MGRN1: variants seen among roughly 807,000 people sequenced by gnomAD.
MGRN1 encodes the protein E3 ubiquitin-protein ligase MGRN1.
Under a neutral mutation model 69.2 loss-of-function variants are expected in MGRN1, and 29 were observed. The observed-to-expected ratio is 0.42, with a 90% CI of 0.31 to 0.57. The LOEUF (loss-of-function observed/expected upper bound fraction) is 0.57. Among genes scored for constraint, MGRN1 ranks in the 20% least tolerant of loss-of-function variants. MGRN1 has a pLI of 0.15. For missense variants in MGRN1, 998 were observed against 796.2 expected (o/e 1.25, Z -3.05); for synonymous variants, 470 against 344.2 (o/e 1.37, Z -4.04).
In MGRN1 at chr16:4,683,944, G is replaced by A. The variant is rs1245204925; in HGVS notation, c.1618+12G>A. ...CATCTACCTGCCAGGTAAGGGGCTG[G>A]GGGTCTGGGGGTGAGGGGCTGGGTG... On this transcript the variant is annotated intron_variant, in intron 16 of 16. Transcript: ENST00000262370. 2 of 1,559,462 alleles carry A rather than the reference G, an allele frequency of 1.3e-6. No homozygotes were observed. The highest frequency in any genetic ancestry group is 1.7e-6 in the Non-Finnish European group (2 of 1,150,800).
chr16:4,687,312 G>T, intron 16 of MGRN1: 3 of 981,074 alleles, frequency 3.1e-6, no homozygotes, highest in Non-Finnish European at 2.4e-6. Flanking sequence ...TACTTTGGGA[G>T]ACCGAGGGGA....
At chr16:4,648,649 G>A (rs1451941625) in intron 1 of MGRN1, among the ~76,000 whole-genome samples, 2 of 95,274 alleles carry the variant, frequency 2.1e-5, no homozygotes, top group Admixed American at 1.1e-4. Flanking sequence ...GTGGTCACCC[G>A]GCTCCTCCTC....
chr16:4,680,996 T>C (rs1234030446), intron 12 of MGRN1, among the ~76,000 whole-genome samples: 1 of 152,244 alleles, frequency 6.6e-6, no homozygotes. Context: ...CTGGGCATTT[T>C]CCTTCTTCCT....
At chr16:4,656,882 AAAAT>A (rs57256799) in intron 4 of MGRN1, among the ~76,000 whole-genome samples, 34,246 of 146,482 alleles carry the variant, frequency 0.23, 4,256 homozygotes, top group Middle Eastern at 0.32. Flanking sequence ...TCTTATCTCA[AAAAT>A]AAATAAATAA....
rs77240528 is a variant in MGRN1 at position 4,627,050 on chromosome 16, C to T, written c.88+2002C>T. 2.6e-3 allele frequency among the ~76,000 whole-genome samples: 401 copies of T among 152,286 alleles called. 10 individuals are homozygous for T. In the East Asian group the frequency reaches 0.07, roughly 26 times the overall value. On this transcript the variant is annotated intron_variant, in intron 1 of 16. Coordinates refer to ENST00000262370, the MANE Select transcript of MGRN1 (RefSeq NM_015246.4). ...TGCCGCACTGGTTTCCTAGACTCCC[C>T]GCCTCTCCTGTCTCCTTAATGAGAA...
At chr16:4,688,140 C>T in intron 16 of MGRN1, 1 of 985,552 alleles carries the variant, frequency 1.0e-6, no homozygotes, top group Non-Finnish European at 1.2e-6. Flanking sequence ...TGCTGGGAGC[C>T]ATGTGTCAGG....
chr16:4,642,446 C>T (rs2078179919), intron 1 of MGRN1, among the ~76,000 whole-genome samples: 2 of 149,896 alleles, frequency 1.3e-5, no homozygotes, highest in Non-Finnish European at 2.9e-5. Context: ...TACAGGCATG[C>T]ACCACCACGG....
intron 11 of MGRN1, among the ~76,000 whole-genome samples, chr16:4,678,565 A>G (rs2079106537): frequency 6.6e-6 from 1 of 151,998 alleles, no homozygotes; most frequent in South Asian, 2.1e-4. Context: ...AGACAGGGTG[A>G]GAGAGATGTG....
rs994556151 is a variant in MGRN1, at chr16:4,679,908, C to T, written c.1066-124C>T. ...TTAGGACAGTCCCGAGATTCACGTC[C>T]CCCGGAAGCTTGTGAAGTTCTGCGC... is the stretch of plus-strand genomic sequence containing the variant. On this transcript the variant is annotated intron_variant, in intron 11 of 16. Transcript: ENST00000262370. 28 of 910,332 alleles carry T rather than the reference C, an allele frequency of 3.1e-5. No individual in the cohort carries two copies. The African/African-American group carries it at 4.2e-4, about 14-fold the overall frequency. The allele number at this position is 910,332 out of a possible 1,614,324, so 56.4% of individuals were successfully genotyped here. A position where few individuals can be genotyped will look rare whatever the true frequency, so the allele number is the denominator to read the frequency against.
chr16:4,678,916 G>T (rs1448017561), intron 11 of MGRN1, among the ~76,000 whole-genome samples: 2 of 152,248 alleles, frequency 1.3e-5, no homozygotes, highest in Non-Finnish European at 2.9e-5. Context: ...CTGGCAGCAG[G>T]TGCAATGTTT....
In MGRN1 at chr16:4,680,172, C is replaced by T. The variant is rs529587172; in HGVS notation, c.1131+75C>T. The T allele has an allele frequency of 3.5e-6, 5 of 1,418,446 alleles. No homozygotes were observed. The African/African-American group carries it at 4.3e-5, about 12-fold the overall frequency. The allele number at this position is 1,418,446 out of a possible 1,614,324, so 87.9% of individuals were successfully genotyped here. A position where few individuals can be genotyped will look rare whatever the true frequency, so the allele number is the denominator to read the frequency against. ...TAAACCCACGACAAGTAGGGGAGAT[C>T]GTTTCCGCCCCAGGCTAGTGTCTGA... is the stretch of plus-strand genomic sequence containing the variant. On this transcript the variant is annotated intron_variant, in intron 12 of 16. Coordinates refer to ENST00000262370, the MANE Select transcript of MGRN1 (RefSeq NM_015246.4).
intron 1 of MGRN1, 23 bp downstream of exon 1, chr16:4,625,071 G>A (rs1897596181): frequency 1.3e-6 from 2 of 1,520,974 alleles, no homozygotes; most frequent in South Asian, 1.2e-5. Flanking sequence ...CCCCAGGCGC[G>A]GACTGCTAGG....
At chr16:4,633,566 C>G (rs1022807761) in intron 1 of MGRN1, 6 of 151,280 alleles carry the variant, frequency 4.0e-5, no homozygotes, top group African/African-American at 1.5e-4. Flanking sequence ...TGGTACGTGC[C>G]TGTAATCCCA....
Position 4,636,444 on chromosome 16 carries a change from A to T in MGRN1, c.88+11396A>T, listed in dbSNP as rs949373825. 4.0e-5 allele frequency among the ~76,000 whole-genome samples: 6 copies of T among 151,820 alleles called. No homozygotes were observed. The East Asian group carries it at 5.8e-4, about 15-fold the overall frequency. On this transcript the variant is annotated intron_variant, in intron 1 of 16. Transcript: ENST00000262370. Reference sequence around the variant, plus strand: ...TCCAGCGTCCCAGTGCTGCCCGTGGACGGGCTCCGGGGGAGCTGGGGACAT... The same window carrying T: ...TCCAGCGTCCCAGTGCTGCCCGTGGTCGGGCTCCGGGGGAGCTGGGGACAT...
At position 4,682,844 on chromosome 16, in the gene MGRN1, C is replaced by T. The variant is rs760812839; in HGVS notation, c.1380C>T (p.Ser460=). ...APDSTLRSPS[S]PIHEEDEEKL... ...CCAGCACCCTACGGTCCCCGTCTTC[C>T]CCCATCCACGAAGAGGATGAGGAGA... The change falls in exon 14 of 17, where the codon TCC becomes TCT. Residue 460 remains serine (S), a synonymous_variant. Transcript: ENST00000262370. The T allele has an allele frequency of 8.1e-6, 13 of 1,600,628 alleles. No homozygotes were observed. The highest frequency in any genetic ancestry group is 1.0e-5 in the Non-Finnish European group (12 of 1,170,464).
At chr16:4,666,473 A>G (rs1423810518) in intron 7 of MGRN1, among the ~76,000 whole-genome samples, 1 of 152,188 alleles carries the variant, frequency 6.6e-6, no homozygotes, top group Non-Finnish European at 1.5e-5. Flanking sequence ...TTGAGGGAGA[A>G]CATTGTAGAC....
intron 1 of MGRN1, among the ~76,000 whole-genome samples, chr16:4,626,193 C>T (rs370137248): frequency 1.3e-5 from 2 of 152,216 alleles, no homozygotes; most frequent in East Asian, 3.8e-4. Flanking sequence ...GGGGAACCAG[C>T]ACAGTTTGGG....
chr16:4,680,360 C>T, intron 12 of MGRN1: 1 of 464,400 alleles, frequency 2.2e-6, no homozygotes, highest in Non-Finnish European at 3.9e-6. Context: ...CGTGCCGTTT[C>T]CCTTTTTTTT....
chr16:4,658,011 G>C (rs1596290182), intron 5 of MGRN1, among the ~76,000 whole-genome samples: 1 of 151,150 alleles, frequency 6.6e-6, no homozygotes, highest in African/African-American at 2.4e-5. Flanking sequence ...CAAAGTGCTG[G>C]GATTACAGGT....
Sources: gnomAD v4.1 joint callset for allele counts (sites outside exome capture counted in the v4.1 genomes callset) on GRCh38, gnomAD v4.1.1 for gene constraint, MANE v1.5 for transcripts, NCBI Gene and HGNC (gene_info 2026-07-23, HGNC 2026-07-21) for gene names.